The following DLGAP1 variants were observed in gnomAD, a reference collection of about 807,000 sequenced individuals.
DLGAP1 encodes disks large-associated protein 1.
A neutral mutation model predicts 90.8 loss-of-function variants in DLGAP1; 11 were observed. The ratio of observed to expected loss-of-function variants is 0.12; its 90% CI spans 0.08 to 0.20. The LOEUF is 0.20. Among genes scored for constraint, DLGAP1 ranks in the 10% least tolerant of loss-of-function variants. The pLI, the probability that DLGAP1 is intolerant of heterozygous loss-of-function variation, is 1.00. For missense variants in DLGAP1, 1,050 were observed against 1,333.8 expected (o/e 0.79, Z 3.31); for synonymous variants, 558 against 540.7 (o/e 1.03, Z -0.44).
At chr18:3,529,645 T>C (rs554211518) in intron 10 of DLGAP1, among the ~76,000 whole-genome samples, 7 of 152,300 alleles carry the variant, frequency 4.6e-5, no homozygotes, top group Admixed American at 2.6e-4. Context: ...TCAGAAAGCT[T>C]ACTTTTTAGT....
At chr18:3,768,002 C>G (rs974844544) in intron 5 of DLGAP1, among the ~76,000 whole-genome samples, 2 of 152,038 alleles carry the variant, frequency 1.3e-5, no homozygotes, top group Non-Finnish European at 2.9e-5. Flanking sequence ...TCAAAACTGT[C>G]CCTGTTTTGT....
intron 1 of DLGAP1, among the ~76,000 whole-genome samples, chr18:4,190,662 T>C (rs564296774): frequency 6.6e-6 from 1 of 152,218 alleles, no homozygotes; most frequent in South Asian, 2.1e-4. Context: ...CTATACAACT[T>C]TTCTGTAAAT....
At chr18:4,232,044 T>G (rs2078310691) in intron 1 of DLGAP1, among the ~76,000 whole-genome samples, 1 of 152,178 alleles carries the variant, frequency 6.6e-6, no homozygotes, top group Non-Finnish European at 1.5e-5. Flanking sequence ...ATTTGGAGTT[T>G]ACTAAGAGGT....
intron 1 of DLGAP1, among the ~76,000 whole-genome samples, chr18:4,246,525 G>A (rs2078655769): frequency 1.3e-5 from 2 of 152,180 alleles, no homozygotes; most frequent in Admixed American, 1.3e-4. Context: ...TCTCATTGCA[G>A]TGAGGAGTCA....
At chr18:4,415,630 T>C (rs2082882938) in intron 1 of DLGAP1, among the ~76,000 whole-genome samples, 1 of 152,192 alleles carries the variant, frequency 6.6e-6, no homozygotes, top group African/African-American at 2.4e-5. Flanking sequence ...ATCAGCTTTG[T>C]GGAATGTAAA....
At chr18:3,506,409 A>G (rs1205009188) in intron 11 of DLGAP1, among the ~76,000 whole-genome samples, 1 of 146,458 alleles carries the variant, frequency 6.8e-6, no homozygotes, top group African/African-American at 2.5e-5. Context: ...GCTACTCGGG[A>G]GGGTGAGGCA....
intron 1 of DLGAP1, among the ~76,000 whole-genome samples, chr18:4,253,933 T>C (rs1303977827): frequency 1.3e-5 from 2 of 152,226 alleles, no homozygotes; most frequent in Non-Finnish European, 2.9e-5. Flanking sequence ...TTCTCAGGTT[T>C]GGCAGCCTGA....
rs539474924 is a variant in DLGAP1 at position 3,537,703 on chromosome 18, G to A, written c.2058-3088C>T. On this transcript the variant is annotated intron_variant, in intron 9 of 12. Coordinates refer to ENST00000315677, the MANE Select transcript of DLGAP1 (RefSeq NM_004746.4). ...GAACAACCCTAATATTTTCCATAGT[G>A]GCTACACCATTTTGCATTCCCATCA... Among the ~76,000 whole-genome samples, 10 of 152,230 alleles carry A rather than the reference G, an allele frequency of 6.6e-5. No individual in the cohort carries two copies. In the South Asian group the frequency reaches 1.5e-3, roughly 22 times the overall value.
At chr18:4,026,571 C>A (rs2074702595) in intron 2 of DLGAP1, among the ~76,000 whole-genome samples, 2 of 152,096 alleles carry the variant, frequency 1.3e-5, no homozygotes, top group African/African-American at 4.8e-5. Context: ...ATAGCACTAT[C>A]TATGAGATGG....
intron 11 of DLGAP1, among the ~76,000 whole-genome samples, chr18:3,506,675 C>T (rs2050245948): frequency 6.6e-6 from 1 of 151,982 alleles, no homozygotes; most frequent in Non-Finnish European, 1.5e-5. Flanking sequence ...TTTCTTTTAA[C>T]AAGGTATGTT....
intron 5 of DLGAP1, among the ~76,000 whole-genome samples, chr18:3,745,656 C>G (rs2063236981): frequency 6.6e-6 from 1 of 152,028 alleles, no homozygotes; most frequent in African/African-American, 2.4e-5. Context: ...GGGAGGAATG[C>G]CCTTTATCTG....
At chr18:4,257,731 TCTC>T (rs2078918399) in intron 1 of DLGAP1, among the ~76,000 whole-genome samples, 3 of 150,762 alleles carry the variant, frequency 2.0e-5, no homozygotes, top group African/African-American at 7.3e-5. Context: ...TTCAAGCAAT[TCTC>T]CTGCCTCAGC....
chr18:3,960,108 T>C (rs557454273), intron 3 of DLGAP1, among the ~76,000 whole-genome samples: 3 of 152,358 alleles, frequency 2.0e-5, no homozygotes, highest in African/African-American at 7.2e-5. Flanking sequence ...CCTTGAAACA[T>C]GCACAGCACT....
intron 1 of DLGAP1, among the ~76,000 whole-genome samples, chr18:4,362,599 T>G (rs1157486423): frequency 6.6e-6 from 1 of 152,120 alleles, no homozygotes; most frequent in Non-Finnish European, 1.5e-5. Context: ...AAAGTTACTG[T>G]TTAATGGGTA....
At position 3,879,905 on chromosome 18, in the gene DLGAP1, G is replaced by A. The variant is rs777879685; in HGVS notation, c.164C>T (p.Ala55Val). The change falls in exon 4 of 13, where the codon GCT (alanine) becomes GTT (valine). Residue 55 changes from alanine to valine, a missense_variant. Transcript: ENST00000315677. The surrounding 1 kb of genome is among the most constrained non-coding windows in gnomAD (Gnocchi z 6.6). ...PYYTQRNSFQ[A>V]ECVGPFSDPL... Reference sequence around the variant, plus strand: ...GTCGCTGAAGGGGCCCACGCACTCAGCCTGGAAGGAGTTCCGCTGGGTGTA... The same window carrying A: ...GTCGCTGAAGGGGCCCACGCACTCAACCTGGAAGGAGTTCCGCTGGGTGTA... 6.2e-7 allele frequency: 1 copy of A among 1,612,616 alleles called. No individual in the cohort carries two copies.
intron 1 of DLGAP1, among the ~76,000 whole-genome samples, chr18:4,326,377 G>A (rs753312076): frequency 6.6e-6 from 1 of 151,968 alleles, no homozygotes; most frequent in Non-Finnish European, 1.5e-5. Flanking sequence ...CGAGAAAAAC[G>A]AACACTTATA....
At chr18:3,628,989 G>A (rs2146148216) in intron 7 of DLGAP1, among the ~76,000 whole-genome samples, 1 of 152,256 alleles carries the variant, frequency 6.6e-6, no homozygotes, top group African/African-American at 2.4e-5. Flanking sequence ...TCTAGAAAAT[G>A]TTCGGGTTGT....
chr18:3,886,528 C>T (rs528284908), intron 3 of DLGAP1, among the ~76,000 whole-genome samples: 1 of 129,856 alleles, frequency 7.7e-6, no homozygotes, highest in East Asian at 2.4e-4. Context: ...TTCATTCGGA[C>T]TTGCATCTAT....
At chr18:4,082,866 C>T (rs1269971839) in intron 2 of DLGAP1, among the ~76,000 whole-genome samples, 3 of 151,886 alleles carry the variant, frequency 2.0e-5, no homozygotes, top group Non-Finnish European at 4.4e-5. Context: ...TCACATGGGG[C>T]CCCATGTGTT....
Sources: allele counts gnomAD v4.1 joint callset (sites outside exome capture counted in the v4.1 genomes callset), GRCh38; gene constraint gnomAD v4.1.1; non-coding constraint Gnocchi (gnomAD v3.1); transcripts MANE v1.5; gene names NCBI Gene and HGNC (gene_info 2026-07-23, HGNC 2026-07-21).